UTRN: variants seen among roughly 807,000 people sequenced by gnomAD.
UTRN encodes the protein dystrophin-related protein 1.
UTRN carries 283 observed loss-of-function variants against 463.9 expected under a neutral mutation model. The ratio of observed to expected loss-of-function variants is 0.61; its 90% CI spans 0.55 to 0.67. The LOEUF (loss-of-function observed/expected upper bound fraction) is 0.67. UTRN is among the 30% of genes least tolerant of loss of function. The probability of loss-of-function intolerance (pLI) is 0.00; values close to 1 mark genes in which losing one functional copy is unlikely to be tolerated. For missense variants in UTRN, 3,922 were observed against 4,084.3 expected (o/e 0.96, Z 1.08); for synonymous variants, 1,442 against 1,431.5 (o/e 1.01, Z -0.17).
At chr6:144,379,959 A>G (rs1448644519) in intron 2 of UTRN, among the ~76,000 whole-genome samples, 3 of 152,116 alleles carry the variant, frequency 2.0e-5, no homozygotes, top group African/African-American at 7.2e-5. Context: ...GATGAGAAGA[A>G]TTTTTCAGGC....
intron 2 of UTRN, among the ~76,000 whole-genome samples, chr6:144,327,772 G>A (rs932879906): frequency 1.5e-4 from 23 of 151,892 alleles, no homozygotes; most frequent in Admixed American, 1.3e-3. Context: ...GCAAAACCCC[G>A]TCTCTACTAA....
rs1227647998 is a variant in UTRN at position 144,793,974 on chromosome 6, C to T, written c.9061C>T (p.Arg3021Cys). 8.7e-6 allele frequency: 14 copies of T among 1,613,738 alleles called. No individual in the cohort carries two copies. The highest frequency in any genetic ancestry group is 1.2e-5 in the Non-Finnish European group (14 of 1,179,918). ...FGGSNIEPSVRSCFQQNNNKP... is the reference protein window; with the variant it reads ...FGGSNIEPSVCSCFQQNNNKP... ...AGGCAGTAATATTGAGCCTAGTGTTCGCAGCTGCTTCCAACAGGTAAGCAT... is the reference window on the plus strand; with the variant it reads ...AGGCAGTAATATTGAGCCTAGTGTTTGCAGCTGCTTCCAACAGGTAAGCAT... The change falls in exon 63 of 75, where the codon CGC (arginine) becomes TGC (cysteine). Residue 3021 changes from arginine to cysteine, a missense_variant. Arg to Cys is a radical substitution (Grantham distance 180). This residue lies in a region of UTRN where 1,309 missense variants were observed against 1,452.6 expected (regional missense o/e 0.90). Coordinates refer to ENST00000367545, the MANE Select transcript of UTRN (RefSeq NM_007124.3).
At chr6:144,671,699 A>G (rs1781055212) in intron 51 of UTRN, among the ~76,000 whole-genome samples, 1 of 152,092 alleles carries the variant, frequency 6.6e-6, no homozygotes, top group Admixed American at 6.5e-5. Context: ...GCTATGTTGA[A>G]TAGAAGTGAT....
chr6:144,493,569 G>A, intron 33 of UTRN, 113 bp downstream of exon 33: 2 of 1,221,202 alleles, frequency 1.6e-6, no homozygotes, highest in Non-Finnish European at 2.2e-6. Flanking sequence ...TTTGGAAAAT[G>A]CATGTTTGAA....
Position 144,566,639 on chromosome 6 carries a change from G to A in UTRN, c.7289+9328G>A, listed in dbSNP as rs889049022. Among the ~76,000 whole-genome samples, 4 of 152,226 alleles carry A rather than the reference G, an allele frequency of 2.6e-5. No individual in the cohort carries two copies. In the South Asian group the frequency reaches 8.3e-4, roughly 32 times the overall value. On this transcript the variant is annotated intron_variant, in intron 50 of 74. Coordinates refer to ENST00000367545, the MANE Select transcript of UTRN (RefSeq NM_007124.3). ...TTTCAAACTTCACTTCCTCATTGAG[G>A]CAGTGGTCAACCTCTATATACAGTG...
Position 144,548,702 on chromosome 6 carries a change from C to G in UTRN, c.6658C>G (p.His2220Asp). Residue 2220 changes from histidine to aspartate, a missense_variant, in exon 47 of 75, where the codon CAT (histidine) becomes GAT (aspartate). By Grantham distance (81) the His-to-Asp change is moderately conservative. Coordinates refer to ENST00000367545, the MANE Select transcript of UTRN (RefSeq NM_007124.3). Reference protein sequence around the residue: ...SSASDIPVQSHRTSEISIPAD... With the variant: ...SSASDIPVQSDRTSEISIPAD... ...TGCGTCAGATATTCCTGTTCAGTCT[C>G]ATCGTACTTCGGAAATTTCAATTCC... 6.2e-7 allele frequency: 1 copy of G among 1,614,066 alleles called. No individual in the cohort carries two copies. The highest frequency in any genetic ancestry group is 8.5e-7 in the Non-Finnish European group (1 of 1,179,976).
chr6:144,654,279 A>T (rs987419390), intron 51 of UTRN, among the ~76,000 whole-genome samples: 1 of 152,238 alleles, frequency 6.6e-6, no homozygotes, highest in African/African-American at 2.4e-5. Context: ...TAGCTCCACA[A>T]TGAATGGATT....
chr6:144,658,591 TA>T (rs1301776984), intron 51 of UTRN, among the ~76,000 whole-genome samples: 8 of 152,228 alleles, frequency 5.3e-5, no homozygotes, highest in African/African-American at 1.9e-4. Context: ...TAAACTTACT[TA>T]TATTAAAATT....
At chr6:144,347,833 C>CTTTGTTTTTTT (rs1777716507) in intron 2 of UTRN, among the ~76,000 whole-genome samples, 10 of 130,266 alleles carry the variant, frequency 7.7e-5, no homozygotes, top group African/African-American at 4.1e-4. Flanking sequence ...GTGGCTTATT[C>CTTTGTTTTTTT]TTTGTTTTTT....
rs117255158 is a variant in UTRN, at chr6:144,734,484, C to T, written c.7939+3998C>T. Among the ~76,000 whole-genome samples, 1,463 of 152,276 alleles carry T rather than the reference C, an allele frequency of 9.6e-3. 25 individuals are homozygous for T. Among genetic ancestry groups the T allele is most frequent in the South Asian group, 0.046 (223 of 4,828 alleles). On this transcript the variant is annotated intron_variant, in intron 54 of 74. Coordinates refer to ENST00000367545, the MANE Select transcript of UTRN (RefSeq NM_007124.3). ...AAGAAGCCCCTGCCCCCTCCCGTCACCCTGAGTCCATTCTTCCATCAGTCT... is the reference window on the plus strand; with the variant it reads ...AAGAAGCCCCTGCCCCCTCCCGTCATCCTGAGTCCATTCTTCCATCAGTCT...
At chr6:144,367,553 C>T (rs1222016558) in intron 2 of UTRN, among the ~76,000 whole-genome samples, 2 of 152,040 alleles carry the variant, frequency 1.3e-5, no homozygotes, top group African/African-American at 2.4e-5. Context: ...ACTCAAGTTA[C>T]TGTTAGAATT....
At position 144,516,805 on chromosome 6, in the gene UTRN, A is replaced by T; in HGVS notation, c.5404-6A>T. ...AGTCATTTTTTTTTTCCTTTTAAAA[A>T]TTTAGATGGATGAGGAGAGTGCCCA... On this transcript the variant is annotated splice_polypyrimidine_tract_variant and splice_region_variant and intron_variant, in intron 38 of 74. Coordinates refer to ENST00000367545, the MANE Select transcript of UTRN (RefSeq NM_007124.3). 6.9e-7 allele frequency: 1 copy of T among 1,443,850 alleles called. No individual in the cohort carries two copies. Among genetic ancestry groups the T allele is most frequent in the East Asian group, 2.6e-5 (1 of 38,424 alleles). 89.4% of individuals were successfully genotyped at this position (1,443,850 alleles called of 1,614,324 possible). A position where few individuals can be genotyped will look rare whatever the true frequency, so the allele number is the denominator to read the frequency against.
intron 2 of UTRN, among the ~76,000 whole-genome samples, chr6:144,345,105 A>G (rs889264741): frequency 1.3e-5 from 2 of 152,148 alleles, no homozygotes; most frequent in Non-Finnish European, 2.9e-5. Context: ...TTCTTTTTCA[A>G]TGTTTTCCTT....
chr6:144,642,989 C>T (rs1300188405), intron 51 of UTRN, among the ~76,000 whole-genome samples: 1 of 152,176 alleles, frequency 6.6e-6, no homozygotes, highest in Admixed American at 6.5e-5. Flanking sequence ...TCCTCTGCTT[C>T]AGTCTTCCTT....
intron 2 of UTRN, among the ~76,000 whole-genome samples, chr6:144,389,499 A>G (rs1781712377): frequency 6.6e-6 from 1 of 152,208 alleles, no homozygotes; most frequent in East Asian, 1.9e-4. Context: ...GTGCTTAAAA[A>G]AATTTTTTTT....
At chr6:144,603,858 T>C (rs1804532933) in intron 51 of UTRN, among the ~76,000 whole-genome samples, 2 of 152,232 alleles carry the variant, frequency 1.3e-5, no homozygotes, top group Non-Finnish European at 2.9e-5. Context: ...TTTTATATTT[T>C]AATTAATTCA....
At chr6:144,728,474 CTT>C (rs10719333) in intron 53 of UTRN, among the ~76,000 whole-genome samples, 18,984 of 145,626 alleles carry the variant, frequency 0.13, 1,751 homozygotes, top group Admixed American at 0.33. Context: ...TGTATATAAT[CTT>C]TTTTTTTTTT....
intron 51 of UTRN, among the ~76,000 whole-genome samples, chr6:144,594,733 C>T (rs1803466838): frequency 6.6e-6 from 1 of 152,084 alleles, no homozygotes; most frequent in Non-Finnish European, 1.5e-5. Flanking sequence ...GCACTTTTGT[C>T]TCTTCTTAAA....
intron 51 of UTRN, among the ~76,000 whole-genome samples, chr6:144,624,152 A>T (rs1032216984): frequency 2.6e-5 from 4 of 152,214 alleles, no homozygotes; most frequent in African/African-American, 9.6e-5. Flanking sequence ...GTTGCCAAGT[A>T]GTGTCTGTTA....
Sources: gnomAD v4.1 joint callset for allele counts (sites outside exome capture counted in the v4.1 genomes callset) on GRCh38, gnomAD v4.1.1 for gene constraint, gnomAD v4.1.1 regional missense constraint, MANE v1.5 for transcripts, NCBI Gene and HGNC (gene_info 2026-07-23, HGNC 2026-07-21) for gene names.